Variants in SAA1 observed in about 807,000 individuals in gnomAD.
SAA1 encodes the protein serum amyloid A1.
Under a neutral mutation model 9.8 loss-of-function variants are expected in SAA1, and 4 were observed. That is an observed-to-expected ratio of 0.41 (90% CI 0.20 to 0.93). The LOEUF is 0.93. SAA1 is among the 40% of genes least tolerant of loss of function. The probability of loss-of-function intolerance (pLI) is 0.33; values close to 1 mark genes in which losing one functional copy is unlikely to be tolerated. For synonymous variants in SAA1, 47 were observed against 57.7 expected, an observed-to-expected ratio of 0.82 and a Z score of 0.84; for missense variants, 114 against 155.5, an observed-to-expected ratio of 0.73 and a Z score of 1.42.
rs373249018 is a variant in SAA1, at chr11:18,266,942, C to T, written c.55C>T (p.Arg19Ter). Residue 19 changes from arginine to a stop codon, truncating the protein, a stop_gained, in exon 2 of 4, where the codon CGA (arginine) becomes TGA (stop). Transcript: ENST00000356524. LOFTEE classifies it high-confidence loss of function. ...FCSLVLGVSS[R>*]SFFSFLGEAF... Reference sequence around the variant, plus strand: ...CTCCTTGGTCCTGGGTGTCAGCAGCCGAAGCTTCTTTTCGTTCCTTGGCGA... The same window carrying T: ...CTCCTTGGTCCTGGGTGTCAGCAGCTGAAGCTTCTTTTCGTTCCTTGGCGA... 1.4e-5 allele frequency: 23 copies of T among 1,611,562 alleles called. No homozygotes were observed. Among genetic ancestry groups the T allele is most frequent in the East Asian group, 4.5e-5 (2 of 44,838 alleles).
chr11:18,269,044 G>A (rs1021701113), intron 2 of SAA1, 151 bp from the exon 3 acceptor site: 3 of 649,622 alleles, frequency 4.6e-6, no homozygotes, highest in African/African-American at 1.8e-5. Context: ...AAAGGAATGT[G>A]CTTCTCAACC....
Position 18,269,628 on chromosome 11 carries a change from A to G in SAA1, c.231-89A>G, listed in dbSNP as rs568280609. The G allele has an allele frequency of 1.7e-4, 256 of 1,542,544 alleles. 1 individual carries two copies. The African/African-American group carries it at 3.0e-3, about 18-fold the overall frequency. Reference sequence around the variant, plus strand: ...CTTGGCCTTTCTGGGCTCCTCTCTGAGCCCTCCCTTGGAACAGGGAGAATG... The same window carrying G: ...CTTGGCCTTTCTGGGCTCCTCTCTGGGCCCTCCCTTGGAACAGGGAGAATG... On this transcript the variant is annotated intron_variant, in intron 3 of 3. Transcript: ENST00000356524.
intron 3 of SAA1, among the ~76,000 whole-genome samples, 183 bp downstream of exon 3, chr11:18,269,516 T>G (rs10832915): frequency 2.5e-4 from 38 of 151,974 alleles, no homozygotes; most frequent in African/African-American, 9.2e-4. Flanking sequence ...TGATTCCTCA[T>G]CCTCCCTCTC....
Position 18,267,697 on chromosome 11 carries a change from AC to A in SAA1, c.91+720del, listed in dbSNP as rs991095519. Among the ~76,000 whole-genome samples the A allele has an allele frequency of 4.4e-5, 5 of 112,854 alleles. 1 individual carries two copies. Among genetic ancestry groups the A allele is most frequent in the African/African-American group, 1.7e-4 (5 of 30,008 alleles). The allele number at this position is 112,854 out of a possible 152,430, so 74.0% of individuals were successfully genotyped here. A position where few individuals can be genotyped will look rare whatever the true frequency, so the allele number is the denominator to read the frequency against. On this transcript the variant is annotated intron_variant, in intron 2 of 3. Coordinates refer to ENST00000356524, the MANE Select transcript of SAA1 (RefSeq NM_199161.5). ...CCTTCTTGACAAGAGCTGGGAACTA[AC>A]GTGCCTCAAGCCCCCACAAGGACCA...
At chr11:18,269,593 TCCC>T in intron 3 of SAA1, 121 bp from the exon 4 acceptor site, 1 of 1,449,648 alleles carries the variant, frequency 6.9e-7, no homozygotes, top group East Asian at 2.3e-5. Flanking sequence ...AGTGTTTTCA[TCCC>T]TCCTTCCTTG....
At chr11:18,269,389 A>T in intron 3 of SAA1, 56 bp downstream of exon 3, 7 of 1,497,696 alleles carry the variant, frequency 4.7e-6, no homozygotes, top group Non-Finnish European at 6.2e-6. Flanking sequence ...CCTGCCTTGG[A>T]CAGTCAGGAG....
intron 2 of SAA1, among the ~76,000 whole-genome samples, chr11:18,268,451 C>T (rs369944437): frequency 6.6e-6 from 1 of 152,214 alleles, no homozygotes; most frequent in South Asian, 2.1e-4. Context: ...AGCATCAGTA[C>T]AGCCTACTAA....
At chr11:18,267,699 G>A (rs1858076387) in intron 2 of SAA1, among the ~76,000 whole-genome samples, 2 of 112,742 alleles carry the variant, frequency 1.8e-5, no homozygotes, top group South Asian at 2.8e-4. Context: ...GGGAACTAAC[G>A]TGCCTCAAGC....
In SAA1 at chr11:18,267,058, C is replaced by T. The variant is rs759360559; in HGVS notation, c.91+80C>T. 11 of 1,088,952 alleles carry T rather than the reference C, an allele frequency of 1.0e-5. 1 individual carries two copies. In the African/African-American group the frequency reaches 1.1e-4, roughly 11 times the overall value. 67.5% of individuals were successfully genotyped at this position (1,088,952 alleles called of 1,614,324 possible). On this transcript the variant is annotated intron_variant, in intron 2 of 3. Transcript: ENST00000356524. ...GATAAACTGGGGAAAATGATGCTTT[C>T]GGAAGGCTGCTTTTGAACCACAGAG...
rs559710850 is a variant in SAA1 at position 18,269,435 on chromosome 11, G to A, written c.230+102G>A. 4.9e-5 allele frequency: 76 copies of A among 1,544,770 alleles called. No individual in the cohort carries two copies. The African/African-American group carries it at 8.8e-4, about 18-fold the overall frequency. ...TCCTTGTGGAGAAGTTAGAGGCTGC[G>A]GCCCCTCCTCCTCTTGCCCTCTCTC... On this transcript the variant is annotated intron_variant, in intron 3 of 3. Transcript: ENST00000356524.
In SAA1 at chr11:18,269,714, C is replaced by T. The variant is rs2134169192; in HGVS notation, c.231-3C>T. ...ATCTCCTTCTTGCCTGCCTTGATTA[C>T]AGCGATGCCAGAGAGAATATCCAGA... On this transcript the variant is annotated splice_polypyrimidine_tract_variant and splice_region_variant and intron_variant, in intron 3 of 3. Transcript: ENST00000356524. 1 of 1,613,934 alleles carries T rather than the reference C, an allele frequency of 6.2e-7. No homozygotes were observed. Among genetic ancestry groups the T allele is most frequent in the Middle Eastern group, 1.7e-4 (1 of 6,056 alleles).
intron 1 of SAA1, 75 bp downstream of exon 1, chr11:18,266,371 T>TA (rs200069063): frequency 0.18 from 26,369 of 150,550 alleles, 2,077 homozygotes; most frequent in East Asian, 0.23. Context: ...TCATTTCCTT[T>TA]AAAAAAAATA....
intron 3 of SAA1, 48 bp downstream of exon 3, chr11:18,269,381 T>A (rs1367420185): frequency 2.0e-6 from 3 of 1,482,558 alleles, no homozygotes; most frequent in Non-Finnish European, 2.7e-6. Flanking sequence ...AGAGCTTGCC[T>A]GCCTTGGACA....
chr11:18,267,464 C>T (rs1716886), intron 2 of SAA1, among the ~76,000 whole-genome samples: 2 of 66,098 alleles, frequency 3.0e-5, no homozygotes, highest in Admixed American at 1.4e-4. Context: ...GTTTGTTTTG[C>T]GTAGAAGATG....
intron 3 of SAA1, 146 bp from the exon 4 acceptor site, chr11:18,269,571 G>A: frequency 7.2e-7 from 1 of 1,396,246 alleles, no homozygotes; most frequent in Non-Finnish European, 9.7e-7. Context: ...CTGGCTGAAT[G>A]GGGTGGTGCC....
In SAA1 at chr11:18,269,921, G is replaced by T. The variant is rs1858175798; in HGVS notation, c.*66G>T. 6.3e-7 allele frequency: 1 copy of T among 1,599,266 alleles called. No individual in the cohort carries two copies. ...GCCCTCAGGGCAGGGATACAAAGCGGGGAGAGGGTACACAATGGGTATCTA... is the reference window on the plus strand; with the variant it reads ...GCCCTCAGGGCAGGGATACAAAGCGTGGAGAGGGTACACAATGGGTATCTA... On this transcript the variant is annotated 3_prime_UTR_variant, in exon 4 of 4. Transcript: ENST00000356524.
rs1564912289 is a variant in SAA1 at position 18,269,844 on chromosome 11, G to A, written c.358G>A (p.Glu120Lys). 5.0e-6 allele frequency: 8 copies of A among 1,614,134 alleles called. No homozygotes were observed. Among genetic ancestry groups the A allele is most frequent in the Non-Finnish European group, 6.8e-6 (8 of 1,180,016 alleles). The change falls in exon 4 of 4, where the codon GAG becomes AAG. Residue 120 changes from glutamate (E) to lysine (K), a missense_variant. Glu to Lys is a moderately conservative substitution (Grantham distance 56). Coordinates refer to ENST00000356524, the MANE Select transcript of SAA1 (RefSeq NM_199161.5). ...PNHFRPAGLP[E>K]KY ...TCACTTCCGACCTGCTGGCCTGCCTGAGAAATACTGAGCTTCCTCTTCACT... is the reference window on the plus strand; with the variant it reads ...TCACTTCCGACCTGCTGGCCTGCCTAAGAAATACTGAGCTTCCTCTTCACT...
In SAA1 at chr11:18,269,905, G is replaced by A; in HGVS notation, c.*50G>A. 1 of 1,608,314 alleles carries A rather than the reference G, an allele frequency of 6.2e-7. No individual in the cohort carries two copies. Among genetic ancestry groups the A allele is most frequent in the Non-Finnish European group, 8.5e-7 (1 of 1,176,856 alleles). ...GAGATCTGGCTGTGAGGCCCTCAGG[G>A]CAGGGATACAAAGCGGGGAGAGGGT... On this transcript the variant is annotated 3_prime_UTR_variant, in exon 4 of 4. Coordinates refer to ENST00000356524, the MANE Select transcript of SAA1 (RefSeq NM_199161.5).
chr11:18,269,754 G>A lies in SAA1; in HGVS notation c.268G>A (p.Gly90Ser). The A allele has an allele frequency of 1.2e-6, 2 of 1,614,034 alleles. No individual in the cohort carries two copies. The highest frequency in any genetic ancestry group is 2.2e-5 in the South Asian group (2 of 91,082). Residue 90 changes from glycine to serine, a missense_variant, in exon 4 of 4, where the codon GGT (glycine) becomes AGT (serine). Gly to Ser is a moderately conservative substitution (Grantham distance 56, BLOSUM62 0). Coordinates refer to ENST00000356524, the MANE Select transcript of SAA1 (RefSeq NM_199161.5). ...RENIQRFFGH[G>S]AEDSLADQAA... Reference sequence around the variant, plus strand: ...GAATATCCAGAGATTCTTTGGCCATGGTGCGGAGGACTCGCTGGCTGATCA... The same window carrying A: ...GAATATCCAGAGATTCTTTGGCCATAGTGCGGAGGACTCGCTGGCTGATCA...
Sources: gnomAD v4.1 joint callset for allele counts (sites outside exome capture counted in the v4.1 genomes callset) on GRCh38, gnomAD v4.1.1 for gene constraint, MANE v1.5 for transcripts, NCBI Gene and HGNC (gene_info 2026-07-23, HGNC 2026-07-21) for gene names.